MCM3: variants seen among roughly 807,000 people sequenced by gnomAD.
The protein encoded by MCM3 is DNA replication licensing factor MCM3.
MCM3 carries 59 observed loss-of-function variants against 91.3 expected under a neutral mutation model. The observed-to-expected ratio is 0.65, with a 90% CI of 0.52 to 0.80. The LOEUF is 0.80. Ranked by LOEUF, MCM3 falls within the 30% of genes least tolerant of loss-of-function variation. MCM3 has a pLI of 0.00. For missense variants in MCM3, 919 were observed against 1,035.4 expected (o/e 0.89, Z 1.54); for synonymous variants, 383 against 379.6 (o/e 1.01, Z -0.10).
rs569883054 is a variant in MCM3, at chr6:52,281,925, T to C, written c.531+120A>G. The C allele has an allele frequency of 1.2e-4, 112 of 966,022 alleles. No individual in the cohort carries two copies. The African/African-American group carries it at 1.6e-3, about 14-fold the overall frequency. 59.8% of individuals were successfully genotyped at this position (966,022 alleles called of 1,614,324 possible). ...CCTGCAATCAATCTTTCCTTTGGAT[T>C]AATCCTTATTTTTCACCCTTTACAG... On this transcript the variant is annotated intron_variant, in intron 4 of 16. Coordinates refer to ENST00000596288, the MANE Select transcript of MCM3 (RefSeq NM_002388.6).
At chr6:52,277,444 G>T in intron 7 of MCM3, 91 bp downstream of exon 7, 2 of 1,336,778 alleles carry the variant, frequency 1.5e-6, no homozygotes, top group East Asian at 2.3e-5. Context: ...CTGAAATACT[G>T]CTAAGTACAG....
At chr6:52,265,076 G>T (rs1354760325) in intron 16 of MCM3, among the ~76,000 whole-genome samples, 1 of 152,134 alleles carries the variant, frequency 6.6e-6, no homozygotes, top group Non-Finnish European at 1.5e-5. Flanking sequence ...CCTTAAAAGC[G>T]TATATCCTTT....
At position 52,273,986 on chromosome 6, in the gene MCM3, G is replaced by A. The variant is rs541894886; in HGVS notation, c.1375-70C>T. Reference sequence around the variant, plus strand: ...AAGAAAGAACAACAAGGCTGCTGCAGTTCTGGGAGTGGGAATGAAAGGCTT... The same window carrying A: ...AAGAAAGAACAACAAGGCTGCTGCAATTCTGGGAGTGGGAATGAAAGGCTT... On this transcript the variant is annotated intron_variant, in intron 9 of 16. Transcript: ENST00000596288. The A allele has an allele frequency of 2.1e-4, 263 of 1,263,816 alleles. 3 individuals are homozygous for A. The highest frequency in any genetic ancestry group is 1.2e-4 in the Non-Finnish European group (109 of 906,184). The allele number at this position is 1,263,816 out of a possible 1,614,324, so 78.3% of individuals were successfully genotyped here. A position where few individuals can be genotyped will look rare whatever the true frequency, so the allele number is the denominator to read the frequency against.
intron 14 of MCM3, among the ~76,000 whole-genome samples, chr6:52,267,019 T>C (rs1764690136): frequency 6.6e-6 from 1 of 152,096 alleles, no homozygotes; most frequent in South Asian, 2.1e-4. Context: ...GTTCCTACTA[T>C]TTAGCATTTC....
At chr6:52,274,368 T>A (rs1765385272) in intron 9 of MCM3, among the ~76,000 whole-genome samples, 1 of 152,166 alleles carries the variant, frequency 6.6e-6, no homozygotes, top group South Asian at 2.1e-4. Flanking sequence ...AAATGGTCAA[T>A]GATCTATATA....
At chr6:52,273,510 G>T (rs897218290) in intron 10 of MCM3, among the ~76,000 whole-genome samples, 154 bp from the exon 11 acceptor site, 1 of 152,114 alleles carries the variant, frequency 6.6e-6, no homozygotes, top group African/African-American at 2.4e-5. Context: ...AAAGATAGTG[G>T]AACTGCCTGG....
chr6:52,279,504 T>C lies in MCM3; in HGVS notation c.627A>G (p.Pro209=), dbSNP rs762992131. 4 of 1,614,006 alleles carry C rather than the reference T, an allele frequency of 2.5e-6. No individual in the cohort carries two copies. The South Asian group carries it at 4.4e-5, about 18-fold the overall frequency. Residue 209 remains proline, a synonymous_variant, in exon 5 of 17, where the codon CCA becomes CCG. Transcript: ENST00000596288. The part of the protein sequence containing the change: ...ITIQEMPEKA[P]AGQLPRSVDV... Reference sequence around the variant, plus strand: ...CCACAGAGCGGGGGAGCTGGCCGGCTGGGGCCTTCTCCGGCATCTCCTGGA... The same window carrying C: ...CCACAGAGCGGGGGAGCTGGCCGGCCGGGGCCTTCTCCGGCATCTCCTGGA...
intron 12 of MCM3, among the ~76,000 whole-genome samples, chr6:52,271,177 C>CA (rs968099028): frequency 4.0e-5 from 6 of 148,902 alleles, no homozygotes; most frequent in African/African-American, 1.5e-4. Flanking sequence ...GACCGCATCT[C>CA]AAAAAAAAAG....
chr6:52,281,470 C>T (rs1410045391), intron 4 of MCM3, among the ~76,000 whole-genome samples: 2 of 151,790 alleles, frequency 1.3e-5, no homozygotes, highest in Non-Finnish European at 2.9e-5. Context: ...GAGGCCACGA[C>T]TTCCAGTCCA....
At chr6:52,268,306 C>A (rs1453965675) in intron 13 of MCM3, among the ~76,000 whole-genome samples, 3 of 152,028 alleles carry the variant, frequency 2.0e-5, no homozygotes, top group African/African-American at 4.8e-5. Context: ...CCAAGACAAC[C>A]CTTAACCTAG....
intron 5 of MCM3, 117 bp from the exon 6 acceptor site, chr6:52,278,967 T>C (rs1765822185): frequency 3.1e-6 from 2 of 647,468 alleles, no homozygotes; most frequent in Admixed American, 3.0e-5. Context: ...CCAATTAGAG[T>C]TGGTGGGGAG....
In MCM3 at chr6:52,264,256, T is replaced by C. The variant is rs17246654; in HGVS notation, c.*332A>G. 0.016 allele frequency: 4,139 copies of C among 252,962 alleles called. 111 individuals are homozygous for C. Among genetic ancestry groups the C allele is most frequent in the African/African-American group, 0.064 (2,862 of 44,484 alleles). 15.7% of individuals were successfully genotyped at this position (252,962 alleles called of 1,614,324 possible). On this transcript the variant is annotated 3_prime_UTR_variant, in exon 17 of 17. Coordinates refer to ENST00000596288, the MANE Select transcript of MCM3 (RefSeq NM_002388.6). The stretch of plus-strand genomic sequence containing the variant: ...AAAAACAGCAAACAGAAAACAGTTG[T>C]GCCCCCAAAAGTACTCAGAAGTCAT...
chr6:52,282,755 C>A lies in MCM3; in HGVS notation c.298G>T (p.Val100Leu), dbSNP rs146219216. The change falls in exon 3 of 17, where the codon GTA becomes TTA. Residue 100 changes from valine (V) to leucine (L), a missense_variant. By Grantham distance (32) the Val-to-Leu change is conservative. Transcript: ENST00000596288. ...TYAKQYEEFY[V>L]GLEGSFGSKH... ...GAGCCAAAGCTGCCTTCCAGTCCTA[C>A]GTAGAACTCCTCATACTGCTTGGCA... is the stretch of plus-strand genomic sequence containing the variant. The A allele has an allele frequency of 3.9e-5, 63 of 1,614,058 alleles. No homozygotes were observed. The highest frequency in any genetic ancestry group is 3.2e-4 in the South Asian group (29 of 91,074).
intron 16 of MCM3, chr6:52,265,283 T>A (rs760406524): frequency 1.6e-5 from 7 of 442,244 alleles, no homozygotes; most frequent in Non-Finnish European, 3.2e-5. Flanking sequence ...ACAAGCACAG[T>A]GGCTTATGCC....
Position 52,279,543 on chromosome 6 carries a change from G to A in MCM3, c.588C>T (p.His196=). The part of the protein sequence containing the change: ...TEYGLSVYKD[H]QTITIQEMPE... The stretch of plus-strand genomic sequence containing the variant: ...GCATCTCCTGGATGGTGATGGTCTG[G>A]TGATCCTTGTAGACAGAAAGGCCAT... Residue 196 remains histidine, a synonymous_variant, in exon 5 of 17, where the codon CAC becomes CAT. Transcript: ENST00000596288. 1 of 1,614,118 alleles carries A rather than the reference G, an allele frequency of 6.2e-7. No individual in the cohort carries two copies. The highest frequency in any genetic ancestry group is 8.5e-7 in the Non-Finnish European group (1 of 1,180,030).
At chr6:52,275,808 G>A (rs1765503686) in intron 9 of MCM3, among the ~76,000 whole-genome samples, 1 of 152,224 alleles carries the variant, frequency 6.6e-6, no homozygotes, top group South Asian at 2.1e-4. Flanking sequence ...CACAGTCATG[G>A]TAAAAACAGA....
At chr6:52,271,864 A>T (rs1033943382) in intron 12 of MCM3, among the ~76,000 whole-genome samples, 1 of 152,222 alleles carries the variant, frequency 6.6e-6, no homozygotes, top group Non-Finnish European at 1.5e-5. Flanking sequence ...TCTATGCTCA[A>T]ATAGCCTTTC....
chr6:52,269,102 T>C lies in MCM3; in HGVS notation c.1952A>G (p.Tyr651Cys), dbSNP rs766269188. 4.8e-5 allele frequency: 78 copies of C among 1,613,566 alleles called. No individual in the cohort carries two copies. The highest frequency in any genetic ancestry group is 6.1e-5 in the Non-Finnish European group (72 of 1,179,676). Residue 651 changes from tyrosine (Y) to cysteine (C), a missense_variant, in exon 13 of 17, where the codon TAT (tyrosine) becomes TGT (cysteine). Coordinates refer to ENST00000596288, the MANE Select transcript of MCM3 (RefSeq NM_002388.6). ...AATCCTCACCTTCTTAAAGTAAGCA[T>C]ACTGGACCAACTCCACAGCTTCCTC... is the stretch of plus-strand genomic sequence containing the variant. ...DAEEAVELVQYAYFKKVLEKE... is the reference protein window; with the variant it reads ...DAEEAVELVQCAYFKKVLEKE...
intron 11 of MCM3, 144 bp downstream of exon 11, chr6:52,273,086 A>C: frequency 2.1e-6 from 2 of 932,988 alleles, no homozygotes; most frequent in South Asian, 3.1e-5. Flanking sequence ...GACCCAGAAA[A>C]GAAGAAAATT....
Sources: gnomAD v4.1 joint callset for allele counts (sites outside exome capture counted in the v4.1 genomes callset) on GRCh38, gnomAD v4.1.1 for gene constraint, MANE v1.5 for transcripts, NCBI Gene and HGNC (gene_info 2026-07-23, HGNC 2026-07-21) for gene names.